BBX: variants seen among roughly 807,000 people sequenced by gnomAD.
BBX encodes BBX high mobility group box domain containing.
A neutral mutation model predicts 100.2 loss-of-function variants in BBX; 30 were observed. The ratio of observed to expected loss-of-function variants is 0.30; its 90% CI spans 0.22 to 0.41. The LOEUF (loss-of-function observed/expected upper bound fraction) is 0.41, where lower values mean the gene tolerates loss of function less well. BBX is among the 10% of genes least tolerant of loss of function. The pLI is 1.00. For synonymous variants in BBX, 376 were observed against 388.1 expected, an observed-to-expected ratio of 0.97 and a Z score of 0.37; for missense variants, 1,023 against 1,129.8, an observed-to-expected ratio of 0.91 and a Z score of 1.35.
At position 107,590,001 on chromosome 3, in the gene BBX, A is replaced by AT. The variant is rs201870844; in HGVS notation, c.-83-55826dup. On this transcript the variant is annotated intron_variant, in intron 2 of 17. Transcript: ENST00000325805. ...TTTTTTTATAGGTCTTAAGTCTTTC[A>AT]TTTTTTTTTACCCCAAGAATATGTG... Among the ~76,000 whole-genome samples, 227 of 150,278 alleles carry AT rather than the reference A, an allele frequency of 1.5e-3. 2 individuals are homozygous for AT. Among genetic ancestry groups the AT allele is most frequent in the Admixed American group, 2.5e-3 (37 of 15,074 alleles).
chr3:107,552,830 G>A (rs1026486970), intron 2 of BBX, among the ~76,000 whole-genome samples: 6 of 152,090 alleles, frequency 3.9e-5, no homozygotes, highest in African/African-American at 1.4e-4. Flanking sequence ...ATTTCAGCTA[G>A]TCTCAACATC....
chr3:107,688,621 T>C (rs2059981235), intron 3 of BBX, among the ~76,000 whole-genome samples: 1 of 152,236 alleles, frequency 6.6e-6, no homozygotes, highest in African/African-American at 2.4e-5. Flanking sequence ...TATTCCCTAA[T>C]GATTTGGACC....
At chr3:107,757,767 TAA>T in intron 10 of BBX, among the ~76,000 whole-genome samples, 1 of 152,184 alleles carries the variant, frequency 6.6e-6, no homozygotes, top group African/African-American at 2.4e-5. Context: ...TCACAAAATA[TAA>T]CGTTTAATTA....
chr3:107,778,736 G>A (rs1318112881), intron 13 of BBX, among the ~76,000 whole-genome samples: 5 of 151,750 alleles, frequency 3.3e-5, no homozygotes, highest in African/African-American at 9.7e-5. Context: ...ATATTTGCCC[G>A]TGATGGTGTA....
At chr3:107,762,170 G>A (rs377137317) in intron 10 of BBX, among the ~76,000 whole-genome samples, 2 of 152,184 alleles carry the variant, frequency 1.3e-5, no homozygotes, top group Non-Finnish European at 2.9e-5. Context: ...GTAGAGGAAT[G>A]TATCTAATTG....
At chr3:107,618,345 C>T (rs1236391102) in intron 2 of BBX, among the ~76,000 whole-genome samples, 4 of 151,946 alleles carry the variant, frequency 2.6e-5, no homozygotes, top group Non-Finnish European at 5.9e-5. Context: ...TTGGCATCAT[C>T]TTTGTCTGGT....
chr3:107,625,035 A>G (rs766187709), intron 2 of BBX, among the ~76,000 whole-genome samples: 14 of 152,212 alleles, frequency 9.2e-5, no homozygotes, highest in Non-Finnish European at 1.9e-4. Context: ...AGGTACTGCT[A>G]AAGCTAGCTG....
intron 2 of BBX, among the ~76,000 whole-genome samples, chr3:107,644,124 G>A (rs2057380623): frequency 6.6e-6 from 1 of 152,110 alleles, no homozygotes; most frequent in South Asian, 2.1e-4. Context: ...ACTTTTTGGA[G>A]TATATTCAAT....
chr3:107,541,502 A>T (rs1037355790), intron 2 of BBX, among the ~76,000 whole-genome samples: 10 of 152,188 alleles, frequency 6.6e-5, no homozygotes, highest in African/African-American at 2.4e-4. Flanking sequence ...AAATAAGTGT[A>T]CTAAAATTAT....
intron 2 of BBX, among the ~76,000 whole-genome samples, chr3:107,576,438 A>G (rs1241195901): frequency 6.6e-6 from 1 of 152,186 alleles, no homozygotes; most frequent in Non-Finnish European, 1.5e-5. Flanking sequence ...TCTGAAAATT[A>G]TCATCGGTTT....
chr3:107,770,106 A>G (rs1417865136), intron 10 of BBX, among the ~76,000 whole-genome samples: 1 of 152,252 alleles, frequency 6.6e-6, no homozygotes, highest in African/African-American at 2.4e-5. Context: ...GCTATTTCCC[A>G]GAATACGTCC....
intron 2 of BBX, among the ~76,000 whole-genome samples, chr3:107,606,652 ATTTTGAATTTTTG>A (rs1333212842): frequency 2.0e-5 from 3 of 151,798 alleles, no homozygotes; most frequent in Non-Finnish European, 4.4e-5. Context: ...AAAAGTTTTT[ATTTTGAATTTTTG>A]TGGGTACCTT....
chr3:107,558,172 A>G (rs780826336), intron 2 of BBX, among the ~76,000 whole-genome samples: 23 of 152,250 alleles, frequency 1.5e-4, no homozygotes, highest in Non-Finnish European at 2.6e-4. Flanking sequence ...TGTGAATGGC[A>G]CCTTAGAGTT....
chr3:107,789,985 G>A, intron 14 of BBX, 109 bp downstream of exon 14: 1 of 772,158 alleles, frequency 1.3e-6, no homozygotes, highest in Non-Finnish European at 2.0e-6. Flanking sequence ...CCCTCTGCTT[G>A]CTTCAGTGCC....
At chr3:107,620,879 A>G (rs1198722871) in intron 2 of BBX, among the ~76,000 whole-genome samples, 1 of 125,994 alleles carries the variant, frequency 7.9e-6, no homozygotes, top group Non-Finnish European at 1.6e-5. Context: ...GAGAGACATT[A>G]TTGCTGCATA....
At chr3:107,568,691 A>C (rs952623180) in intron 2 of BBX, among the ~76,000 whole-genome samples, 3 of 151,378 alleles carry the variant, frequency 2.0e-5, no homozygotes, top group African/African-American at 4.9e-5. Flanking sequence ...TTATTTCTTT[A>C]TTTCTTTCTT....
intron 15 of BBX, among the ~76,000 whole-genome samples, chr3:107,794,023 A>T (rs959041340): frequency 1.3e-5 from 2 of 152,160 alleles, no homozygotes; most frequent in African/African-American, 4.8e-5. Flanking sequence ...CTAGAATTAA[A>T]GGTAGGATTT....
chr3:107,590,447 C>A (rs1463691111), intron 2 of BBX, among the ~76,000 whole-genome samples: 1 of 152,100 alleles, frequency 6.6e-6, no homozygotes, highest in Non-Finnish European at 1.5e-5. Context: ...AGTATAGTCA[C>A]CCTATTGTGC....
chr3:107,716,421 A>T, intron 4 of BBX, 186 bp from the exon 5 acceptor site: 1 of 648,564 alleles, frequency 1.5e-6, no homozygotes, highest in South Asian at 2.0e-5. Context: ...AAGCAGAAGG[A>T]TACATCATAA....
Sources: allele counts gnomAD v4.1 joint callset (sites outside exome capture counted in the v4.1 genomes callset), GRCh38; gene constraint gnomAD v4.1.1; transcripts MANE v1.5; gene names NCBI Gene and HGNC (gene_info 2026-07-23, HGNC 2026-07-21).